Variants in YAP1 observed in about 807,000 individuals in gnomAD.
The protein encoded by YAP1 is Yes1 associated transcriptional regulator.
YAP1 carries 5 observed loss-of-function variants against 56.9 expected under a neutral mutation model. The ratio of observed to expected loss-of-function variants is 0.09; its 90% CI spans 0.05 to 0.18. The LOEUF (loss-of-function observed/expected upper bound fraction) is 0.18. Among genes scored for constraint, YAP1 ranks in the 10% least tolerant of loss-of-function variants. YAP1 has a pLI of 1.00. For synonymous variants in YAP1, 265 were observed against 248.1 expected (o/e 1.07, Z -0.64); for missense variants, 539 against 651.8 (o/e 0.83, Z 1.88).
chr11:102,228,440 G>C (rs2135722712), intron 8 of YAP1, among the ~76,000 whole-genome samples: 1 of 151,900 alleles, frequency 6.6e-6, no homozygotes, highest in South Asian at 2.1e-4. Flanking sequence ...TTCAAGACCA[G>C]CCTGGCCAAC....
At chr11:102,195,960 A>G (rs939367011) in intron 4 of YAP1, among the ~76,000 whole-genome samples, 2 of 152,242 alleles carry the variant, frequency 1.3e-5, no homozygotes. Context: ...ATTGATCATT[A>G]GAGAAATGCA....
At chr11:102,188,640 A>G (rs932887021) in intron 4 of YAP1, among the ~76,000 whole-genome samples, 3 of 114,906 alleles carry the variant, frequency 2.6e-5, no homozygotes. Context: ...TGTTCAGCAC[A>G]CTAACAGGCT....
chr11:102,122,635 T>G (rs1034278490), intron 2 of YAP1, among the ~76,000 whole-genome samples: 7 of 152,098 alleles, frequency 4.6e-5, no homozygotes, highest in African/African-American at 1.7e-4. Flanking sequence ...GGCTCACGCC[T>G]GTAATCCCAG....
chr11:102,181,307 G>A (rs953074620), intron 3 of YAP1, among the ~76,000 whole-genome samples: 10 of 152,012 alleles, frequency 6.6e-5, no homozygotes, highest in Non-Finnish European at 1.2e-4. Flanking sequence ...TTAGCCGAGC[G>A]TGGTGGTGGG....
At chr11:102,113,896 C>G (rs979666993) in intron 1 of YAP1, among the ~76,000 whole-genome samples, 5 of 151,940 alleles carry the variant, frequency 3.3e-5, no homozygotes, top group Non-Finnish European at 5.9e-5. Context: ...CTAGTGTGGA[C>G]CAGGGGAAAT....
chr11:102,222,829 T>G (rs77866977), intron 6 of YAP1, among the ~76,000 whole-genome samples: 1 of 151,910 alleles, frequency 6.6e-6, no homozygotes, highest in Admixed American at 6.6e-5. Flanking sequence ...GATTGGTGTC[T>G]TATAGTAAAA....
intron 6 of YAP1, among the ~76,000 whole-genome samples, chr11:102,211,414 G>A (rs1270802816): frequency 3.3e-5 from 5 of 152,124 alleles, no homozygotes; most frequent in African/African-American, 1.2e-4. Context: ...CCAGACCAGA[G>A]CAAAAAACTT....
chr11:102,190,992 G>A (rs1209233913), intron 4 of YAP1, among the ~76,000 whole-genome samples: 5 of 151,876 alleles, frequency 3.3e-5, no homozygotes, highest in African/African-American at 1.2e-4. Context: ...TGGCCAACAT[G>A]GTGACACCCC....
intron 2 of YAP1, among the ~76,000 whole-genome samples, chr11:102,150,742 C>T (rs1388138041): frequency 6.7e-6 from 1 of 149,772 alleles, no homozygotes; most frequent in Non-Finnish European, 1.5e-5. Context: ...ATTAATAGAA[C>T]CTTGTCAAAA....
Position 102,231,471 on chromosome 11 carries a change from G to A in YAP1, c.*1531G>A, listed in dbSNP as rs1340077926. On this transcript the variant is annotated 3_prime_UTR_variant, in exon 9 of 9. Transcript: ENST00000282441. The stretch of plus-strand genomic sequence containing the variant: ...ATAAGGTTTTGAGTTAGCTGGAAAA[G>A]TGATCAGATTAATAAATGTATATTG... The A allele has an allele frequency of 5.2e-5, 8 of 152,548 alleles. No individual in the cohort carries two copies. Among genetic ancestry groups the A allele is most frequent in the Admixed American group, 1.3e-4 (2 of 15,274 alleles). 9.4% of individuals were successfully genotyped at this position (152,548 alleles called of 1,614,324 possible).
At chr11:102,186,261 A>G (rs908506735) in intron 4 of YAP1, 130 bp downstream of exon 4, 38 of 1,001,018 alleles carry the variant, frequency 3.8e-5, no homozygotes, top group African/African-American at 2.0e-4. Flanking sequence ...TGCCCACCCA[A>G]TGTTTACCAG....
chr11:102,164,472 CATT>C (rs145151383), intron 3 of YAP1, among the ~76,000 whole-genome samples: 3,519 of 152,286 alleles, frequency 0.023, 59 homozygotes, highest in Non-Finnish European at 0.038. Flanking sequence ...AGATGATTCA[CATT>C]ATTCATTTTG....
chr11:102,213,354 C>T (rs943308534), intron 6 of YAP1, among the ~76,000 whole-genome samples: 2 of 152,034 alleles, frequency 1.3e-5, no homozygotes, highest in Non-Finnish European at 2.9e-5. Context: ...TGTGGTGGGG[C>T]GGGCGCCTTT....
At chr11:102,215,478 GTTATT>G (rs1406354360) in intron 6 of YAP1, among the ~76,000 whole-genome samples, 1 of 152,100 alleles carries the variant, frequency 6.6e-6, no homozygotes, top group African/African-American at 2.4e-5. Flanking sequence ...TAATTCTTAT[GTTATT>G]TTATTTATTT....
chr11:102,227,788 G>T (rs1002618917), intron 8 of YAP1, among the ~76,000 whole-genome samples: 1 of 152,112 alleles, frequency 6.6e-6, no homozygotes, highest in Non-Finnish European at 1.5e-5. Context: ...TCATGGATTG[G>T]CCGGGTGCAG....
intron 8 of YAP1, among the ~76,000 whole-genome samples, chr11:102,228,994 C>T (rs1042799782): frequency 3.3e-5 from 5 of 152,186 alleles, no homozygotes; most frequent in African/African-American, 4.8e-5. Context: ...ACACACAACA[C>T]CTTTACTTAC....
intron 2 of YAP1, among the ~76,000 whole-genome samples, chr11:102,115,857 C>G (rs1943250977): frequency 6.6e-6 from 1 of 152,216 alleles, no homozygotes; most frequent in Non-Finnish European, 1.5e-5. Flanking sequence ...AAAGGCTGCA[C>G]TTTTTTGAAC....
rs77531504 is a variant in YAP1, at chr11:102,137,730, C to T, written c.572+23336C>T. 8.3e-3 allele frequency among the ~76,000 whole-genome samples: 1,224 copies of T among 147,960 alleles called. 6 individuals carry two copies. The highest frequency in any genetic ancestry group is 0.014 in the Non-Finnish European group (935 of 67,330). On this transcript the variant is annotated intron_variant, in intron 2 of 8. Transcript: ENST00000282441. ...GGTTGATTTAGTTCTAAATATTTCA[C>T]GTTATTAGAGTCATTGACTTTTTTT...
At chr11:102,124,304 G>C (rs988592656) in intron 2 of YAP1, among the ~76,000 whole-genome samples, 2 of 152,046 alleles carry the variant, frequency 1.3e-5, no homozygotes, top group African/African-American at 4.8e-5. Flanking sequence ...GCTTTCCTTG[G>C]GGATTTTAGT....
Sources: gnomAD v4.1 joint callset for allele counts (sites outside exome capture counted in the v4.1 genomes callset) on GRCh38, gnomAD v4.1.1 for gene constraint, MANE v1.5 for transcripts, NCBI Gene and HGNC (gene_info 2026-07-23, HGNC 2026-07-21) for gene names.